The following DNAJC3 variants were observed in gnomAD, a reference collection of about 807,000 sequenced individuals.
DNAJC3 encodes the protein DnaJ heat shock protein family (Hsp40) member C3.
A neutral mutation model predicts 68.6 loss-of-function variants in DNAJC3; 38 were observed. The ratio of observed to expected loss-of-function variants is 0.55; its 90% CI spans 0.43 to 0.73. The LOEUF is 0.73. Among genes scored for constraint, DNAJC3 ranks in the 30% least tolerant of loss-of-function variants. DNAJC3 has a pLI of 0.00. For missense variants in DNAJC3, 526 were observed against 591.9 expected, an observed-to-expected ratio of 0.89 and a Z score of 1.16; for synonymous variants, 203 against 204.0, an observed-to-expected ratio of 1.00 and a Z score of 0.04.
intron 4 of DNAJC3, among the ~76,000 whole-genome samples, chr13:95,743,334 G>A (rs188047262): frequency 4.5e-4 from 69 of 152,340 alleles, no homozygotes; most frequent in African/African-American, 1.6e-3. Context: ...GACAGAAAAT[G>A]TGAGGTACAG....
In DNAJC3 at chr13:95,764,609, G is replaced by A. The variant is rs181368292; in HGVS notation, c.1075+656G>A. ...CCTGTTTTTGGAAGATAACTACGGC[G>A]TATACAGTAATATACAGTTTTTGAA... On this transcript the variant is annotated intron_variant, in intron 9 of 11. Transcript: ENST00000602402. 3.7e-3 allele frequency among the ~76,000 whole-genome samples: 487 copies of A among 129,960 alleles called. 4 individuals carry two copies. Among genetic ancestry groups the A allele is most frequent in the African/African-American group, 0.013 (463 of 35,276 alleles). The allele number at this position is 129,960 out of a possible 152,430, so 85.3% of individuals were successfully genotyped here.
chr13:95,785,452 C>CTTTTTTTTTTTTTT (rs36052714), intron 9 of DNAJC3, among the ~76,000 whole-genome samples: 1 of 77,926 alleles, frequency 1.3e-5, no homozygotes, highest in African/African-American at 5.4e-5. Context: ...CCTTTTAAAC[C>CTTTTTTTTTTTTTT]TTTTTTTTTT....
intron 1 of DNAJC3, among the ~76,000 whole-genome samples, chr13:95,679,223 A>C (rs1360134095): frequency 1.6e-5 from 1 of 63,318 alleles, no homozygotes; most frequent in African/African-American, 9.4e-5. Context: ...TTTTTTTTGT[A>C]ATTAACAAGA....
chr13:95,734,993 C>A (rs1357797386), intron 4 of DNAJC3, among the ~76,000 whole-genome samples: 1 of 142,510 alleles, frequency 7.0e-6, no homozygotes, highest in African/African-American at 2.6e-5. Context: ...ACAACAGGCC[C>A]CAGAGTGTGA....
intron 1 of DNAJC3, among the ~76,000 whole-genome samples, chr13:95,678,232 C>G (rs1017994734): frequency 2.0e-5 from 3 of 152,170 alleles, no homozygotes; most frequent in Non-Finnish European, 4.4e-5. Context: ...ATCACATGCA[C>G]TGATCTATTT....
chr13:95,761,232 A>G (rs1882810823), intron 7 of DNAJC3, among the ~76,000 whole-genome samples: 4 of 152,218 alleles, frequency 2.6e-5, no homozygotes. Flanking sequence ...ACTCCAAACC[A>G]GGATGGTAAA....
chr13:95,779,150 A>G (rs1259508207), intron 9 of DNAJC3, among the ~76,000 whole-genome samples: 1 of 110,712 alleles, frequency 9.0e-6, no homozygotes, highest in African/African-American at 3.7e-5. Flanking sequence ...TTTGAGACGG[A>G]GTCTCACTCT....
chr13:95,740,685 G>A (rs17878797), intron 4 of DNAJC3, among the ~76,000 whole-genome samples: 12,458 of 151,934 alleles, frequency 0.082, 623 homozygotes, highest in African/African-American at 0.16. Context: ...CACGGTGCAC[G>A]CACCCACTGA....
intron 2 of DNAJC3, among the ~76,000 whole-genome samples, chr13:95,719,423 G>A (rs1881249871): frequency 6.6e-6 from 1 of 152,088 alleles, no homozygotes; most frequent in Non-Finnish European, 1.5e-5. Context: ...TATATCGTTG[G>A]CTATTGGTAA....
chr13:95,785,863 A>C, intron 9 of DNAJC3, 76 bp from the exon 10 acceptor site: 1 of 1,393,438 alleles, frequency 7.2e-7, no homozygotes, highest in Non-Finnish European at 9.6e-7. Context: ...CGACTTTAGC[A>C]TCAATTTTAC....
chr13:95,687,263 A>C (rs749889609), intron 1 of DNAJC3, among the ~76,000 whole-genome samples: 6 of 152,070 alleles, frequency 3.9e-5, no homozygotes, highest in Non-Finnish European at 8.8e-5. Flanking sequence ...TCGGTCTTGG[A>C]GTCCTTTAGT....
chr13:95,715,779 G>A (rs1003405919), intron 2 of DNAJC3, among the ~76,000 whole-genome samples: 1 of 151,714 alleles, frequency 6.6e-6, no homozygotes, highest in Non-Finnish European at 1.5e-5. Flanking sequence ...GAGCCACTGC[G>A]CCCAGCCACA....
At chr13:95,742,089 A>G (rs1426050098) in intron 4 of DNAJC3, among the ~76,000 whole-genome samples, 2 of 152,204 alleles carry the variant, frequency 1.3e-5, no homozygotes, top group African/African-American at 2.4e-5. Flanking sequence ...AGCTGTAGGC[A>G]GGTGGCTGGG....
At chr13:95,785,404 G>GAATAATAA (rs1555329673) in intron 9 of DNAJC3, among the ~76,000 whole-genome samples, 1 of 143,486 alleles carries the variant, frequency 7.0e-6, no homozygotes, top group Non-Finnish European at 1.5e-5. Flanking sequence ...TGTTGAATGA[G>GAATAATAA]AATAATAAAC....
Position 95,768,612 on chromosome 13 carries a change from G to A in DNAJC3, c.1075+4659G>A, listed in dbSNP as rs376030892. 2.8e-3 allele frequency among the ~76,000 whole-genome samples: 424 copies of A among 152,216 alleles called. 5 individuals carry two copies. Among genetic ancestry groups the A allele is most frequent in the African/African-American group, 9.8e-3 (407 of 41,534 alleles). On this transcript the variant is annotated intron_variant, in intron 9 of 11. Transcript: ENST00000602402. ...TGTTTGCAGATTCTTGTGCCCTCTT[G>A]CTTATCCTGGGACTCCACCCTGTTA...
intron 2 of DNAJC3, among the ~76,000 whole-genome samples, chr13:95,722,920 G>C (rs1372392687): frequency 6.8e-6 from 1 of 147,678 alleles, no homozygotes; most frequent in African/African-American, 2.5e-5. Context: ...GGCTAGACAA[G>C]TAGTTTCGGC....
chr13:95,714,487 AG>A (rs1449508294), intron 2 of DNAJC3, among the ~76,000 whole-genome samples: 1 of 151,970 alleles, frequency 6.6e-6, no homozygotes, highest in Non-Finnish European at 1.5e-5. Context: ...CTGAAAATTA[AG>A]GCTTTTCTAA....
intron 1 of DNAJC3, among the ~76,000 whole-genome samples, chr13:95,680,545 G>A (rs1398005627): frequency 2.0e-5 from 3 of 152,118 alleles, no homozygotes; most frequent in Admixed American, 6.5e-5. Context: ...ATAAAAGGTG[G>A]TCACATATTT....
In DNAJC3 at chr13:95,717,455, A is replaced by G. The variant is rs563389022; in HGVS notation, c.194-5787A>G. On this transcript the variant is annotated intron_variant, in intron 2 of 11. Transcript: ENST00000602402. ...AGTTCAAAAGATTCTGAGCTATGCT[A>G]CTATTTTAATGTCTGGTCAGTTCAG... 3.3e-5 allele frequency among the ~76,000 whole-genome samples: 5 copies of G among 152,362 alleles called. No homozygotes were observed. In the East Asian group the frequency reaches 9.6e-4, roughly 29 times the overall value.
Sources: allele counts gnomAD v4.1 joint callset (sites outside exome capture counted in the v4.1 genomes callset), GRCh38; gene constraint gnomAD v4.1.1; transcripts MANE v1.5; gene names NCBI Gene and HGNC (gene_info 2026-07-23, HGNC 2026-07-21).